The following FGF13 variants were observed in gnomAD, a reference collection of about 807,000 sequenced individuals.
FGF13 encodes the protein fibroblast growth factor 13.
FGF13 carries 2 observed loss-of-function variants against 19.5 expected under a neutral mutation model. That is an observed-to-expected ratio of 0.10 (90% CI 0.04 to 0.32). The LOEUF is 0.32. Among genes scored for constraint, FGF13 ranks in the 10% least tolerant of loss-of-function variants. The pLI, the probability that FGF13 is intolerant of heterozygous loss-of-function variation, is 1.00. For missense variants in FGF13, 113 were observed against 192.7 expected (o/e 0.59, Z 2.45); for synonymous variants, 72 against 76.9 (o/e 0.94, Z 0.33).
intron 2 of FGF13, among the ~76,000 whole-genome samples, chrX:138,859,453 G>T (rs2091276933): frequency 8.9e-6 from 1 of 112,386 alleles, no homozygotes; most frequent in African/African-American, 3.2e-5. Flanking sequence ...GGATAAAAGA[G>T]AAAAAATGAC....
At chrX:138,831,105 C>T (rs982238176) in intron 3 of FGF13, among the ~76,000 whole-genome samples, 13 of 111,623 alleles carry the variant, frequency 1.2e-4, no homozygotes, top group East Asian at 8.5e-4. Context: ...CCAGAACGTA[C>T]AAGCCATACA....
chrX:138,978,349 A>G (rs58608702), intron 1 of FGF13, among the ~76,000 whole-genome samples: 1,289 of 93,937 alleles, frequency 0.014, 25 homozygotes, highest in African/African-American at 0.05. Flanking sequence ...TGCAAGCTCC[A>G]CCTCCCGGGT....
intron 2 of FGF13, among the ~76,000 whole-genome samples, chrX:138,860,072 G>A (rs187265353): frequency 9.6e-4 from 107 of 111,698 alleles, no homozygotes; most frequent in African/African-American, 3.3e-3. Context: ...TCAACCAACA[G>A]TAGCTTGATG....
chrX:138,825,664 T>C (rs756425918), intron 3 of FGF13, among the ~76,000 whole-genome samples: 8 of 111,747 alleles, frequency 7.2e-5, no homozygotes, highest in Admixed American at 6.7e-4. Context: ...TAAGCCTCAG[T>C]TTTCTCATTC....
At chrX:138,723,522 G>T (rs2090162609) in intron 1 of FGF13, among the ~76,000 whole-genome samples, 1 of 111,246 alleles carries the variant, frequency 9.0e-6, no homozygotes, top group African/African-American at 3.3e-5. Context: ...TCCCTGCCAA[G>T]CTCTCTCATC....
intron 3 of FGF13, among the ~76,000 whole-genome samples, chrX:138,636,334 C>T (rs375534192): frequency 9.0e-6 from 1 of 111,529 alleles, no homozygotes; most frequent in Non-Finnish European, 1.9e-5. Flanking sequence ...CTAGCAGACA[C>T]GATAGAGCAG....
At chrX:138,890,759 G>A (rs1483032119) in intron 1 of FGF13, among the ~76,000 whole-genome samples, 1 of 111,612 alleles carries the variant, frequency 9.0e-6, no homozygotes, top group African/African-American at 3.3e-5. Context: ...AGGTTCAGCA[G>A]CCCCTCACTT....
chrX:138,668,796 G>C (rs911432924), intron 3 of FGF13, among the ~76,000 whole-genome samples: 4 of 110,443 alleles, frequency 3.6e-5, no homozygotes, highest in African/African-American at 1.3e-4. Flanking sequence ...GCAGTGTTGT[G>C]AAAGCCCACA....
intron 1 of FGF13, among the ~76,000 whole-genome samples, chrX:139,089,334 T>G (rs764435505): frequency 2.7e-5 from 3 of 112,348 alleles, no homozygotes; most frequent in Admixed American, 9.4e-5. Context: ...ACTAAAGTCC[T>G]TTGCACTGTT....
In FGF13 at chrX:138,621,844, G is replaced by A. The variant is rs766794431; in HGVS notation, c.*11006C>T. The A allele has an allele frequency of 3.6e-5, 4 of 110,819 alleles. No individual in the cohort carries two copies. The highest frequency in any genetic ancestry group is 5.7e-5 in the Non-Finnish European group (3 of 52,828). The allele number at this position is 110,819 out of a possible 1,213,427, so 9.1% of individuals were successfully genotyped here. A position where few individuals can be genotyped will look rare whatever the true frequency, so the allele number is the denominator to read the frequency against. On this transcript the variant is annotated 3_prime_UTR_variant, in exon 5 of 5. Transcript: ENST00000315930. ...TATACACAAGTTGGGTAATCTAGAA[G>A]AAACAGATAAATTTCTAGAAACATA...
chrX:138,727,159 T>A (rs1475366969), intron 1 of FGF13, among the ~76,000 whole-genome samples: 1 of 110,666 alleles, frequency 9.0e-6, no homozygotes, highest in Admixed American at 9.6e-5. Context: ...AAGATTCATT[T>A]TTTTTTTTTT....
intron 1 of FGF13, among the ~76,000 whole-genome samples, chrX:139,189,936 C>T (rs1170005261): frequency 8.9e-6 from 1 of 111,736 alleles, no homozygotes; most frequent in African/African-American, 3.3e-5. Flanking sequence ...AGCTCTACTC[C>T]AAGAAAACAT....
At chrX:138,742,553 T>C, upstream of FGF13, among the ~76,000 whole-genome samples, 1 of 111,067 alleles carries the variant, frequency 9.0e-6, no homozygotes, top group Admixed American at 9.6e-5. Context: ...TCATGATCTA[T>C]CATCTGTTCC....
intron 3 of FGF13, among the ~76,000 whole-genome samples, chrX:138,668,156 T>C (rs749609484): frequency 6.3e-5 from 7 of 111,715 alleles, no homozygotes; most frequent in Middle Eastern, 4.7e-3. Flanking sequence ...CACTGTAAAA[T>C]GCTGTGCATG....
intron 1 of FGF13, among the ~76,000 whole-genome samples, chrX:139,203,036 G>T (rs2084428426): frequency 8.9e-6 from 1 of 112,336 alleles, no homozygotes; most frequent in African/African-American, 3.2e-5. Flanking sequence ...GGTCTCCAAG[G>T]CTGCTGTCTC....
At chrX:139,050,952 T>C (rs774449696) in intron 1 of FGF13, among the ~76,000 whole-genome samples, 1 of 112,061 alleles carries the variant, frequency 8.9e-6, no homozygotes, top group Non-Finnish European at 1.9e-5. Context: ...CAACTTCAAA[T>C]TCTTCAGTCT....
At chrX:139,159,546 G>A in intron 1 of FGF13, among the ~76,000 whole-genome samples, 1 of 108,743 alleles carries the variant, frequency 9.2e-6, no homozygotes, top group South Asian at 4.1e-4. Context: ...ATTGGATAAA[G>A]AGTCAAGACC....
At chrX:138,864,483 G>A (rs1158488500) in intron 2 of FGF13, 1 of 112,655 alleles carries the variant, frequency 8.9e-6, no homozygotes, top group Non-Finnish European at 1.9e-5. Flanking sequence ...GGGGCCTGCT[G>A]TGAATGGCAG....
intron 1 of FGF13, among the ~76,000 whole-genome samples, chrX:138,887,263 G>T (rs933531387): frequency 8.9e-6 from 1 of 111,880 alleles, no homozygotes; most frequent in African/African-American, 3.3e-5. Context: ...CTAGCTCACA[G>T]CAAACTCCAG....
Sources: gnomAD v4.1 joint callset for allele counts (sites outside exome capture counted in the v4.1 genomes callset) on GRCh38, gnomAD v4.1.1 for gene constraint, MANE v1.5 for transcripts, NCBI Gene and HGNC (gene_info 2026-07-23, HGNC 2026-07-21) for gene names.